WDPCP: variants seen among roughly 807,000 people sequenced by gnomAD.
WDPCP encodes the protein WD repeat containing planar cell polarity effector, also known as WD repeat-containing and planar cell polarity effector protein fritz homolog.
Under a neutral mutation model 93.1 loss-of-function variants are expected in WDPCP, and 71 were observed. The observed-to-expected ratio is 0.76, with a 90% confidence interval of 0.63 to 0.93. The LOEUF (loss-of-function observed/expected upper bound fraction) is 0.93. Among genes scored for constraint, WDPCP ranks in the 40% least tolerant of loss-of-function variants. The pLI is 0.00. For synonymous variants in WDPCP, 315 were observed against 315.0 expected, an observed-to-expected ratio of 1.00 and a Z score of 0.00; for missense variants, 844 against 887.4, an observed-to-expected ratio of 0.95 and a Z score of 0.62.
At chr2:63,555,032 G>A (rs1705980099) in intron 1 of WDPCP, among the ~76,000 whole-genome samples, 2 of 152,220 alleles carry the variant, frequency 1.3e-5, no homozygotes, top group South Asian at 2.1e-4. Context: ...TTAGTCTAAC[G>A]CACAGAGATG....
At chr2:63,324,557 G>T (rs541041335) in intron 12 of WDPCP, among the ~76,000 whole-genome samples, 1 of 152,226 alleles carries the variant, frequency 6.6e-6, no homozygotes, top group Non-Finnish European at 1.5e-5. Flanking sequence ...GTCCTACAGG[G>T]TCTAGGGGAA....
chr2:63,642,168 GT>G (rs1205230896), intron 3 of WDPCP, among the ~76,000 whole-genome samples: 3 of 152,026 alleles, frequency 2.0e-5, no homozygotes, highest in Non-Finnish European at 2.9e-5. Flanking sequence ...GTCCCGTGCT[GT>G]TTTGTTTACT....
chr2:63,238,600 G>T (rs1458042175), intron 14 of WDPCP, among the ~76,000 whole-genome samples: 1 of 151,976 alleles, frequency 6.6e-6, no homozygotes, highest in Non-Finnish European at 1.5e-5. Flanking sequence ...TCTGTCTGTG[G>T]CTTGCATTAT....
intron 6 of WDPCP, among the ~76,000 whole-genome samples, chr2:63,455,411 A>AATATATAT (rs1698547551): frequency 3.4e-5 from 3 of 87,292 alleles, no homozygotes; most frequent in Admixed American, 3.4e-4. Flanking sequence ...TTTACTTGTA[A>AATATATAT]AGATATATAT....
chr2:63,451,756 G>A (rs1046308327), intron 6 of WDPCP, among the ~76,000 whole-genome samples: 2 of 152,122 alleles, frequency 1.3e-5, no homozygotes, highest in African/African-American at 2.4e-5. Context: ...ATGATCAAGT[G>A]GGCTTCATCC....
intron 12 of WDPCP, chr2:63,377,987 G>C (rs1443031899): frequency 1.7e-5 from 3 of 178,568 alleles, no homozygotes; most frequent in Admixed American, 1.1e-4. Flanking sequence ...CAATGGACAA[G>C]TTTTTCTACA....
chr2:63,130,545 T>C (rs1670223871), intron 17 of WDPCP, among the ~76,000 whole-genome samples: 1 of 152,130 alleles, frequency 6.6e-6, no homozygotes, highest in African/African-American at 2.4e-5. Context: ...AAAGTGTGAG[T>C]TCTTCAACTT....
At chr2:63,448,749 A>G (rs1269975229) in intron 6 of WDPCP, among the ~76,000 whole-genome samples, 2 of 152,210 alleles carry the variant, frequency 1.3e-5, no homozygotes, top group Non-Finnish European at 2.9e-5. Flanking sequence ...GCTAAGGGAA[A>G]TAAGCTAGGC....
At chr2:63,560,774 T>C (rs1014856412) in intron 1 of WDPCP, among the ~76,000 whole-genome samples, 1 of 151,752 alleles carries the variant, frequency 6.6e-6, no homozygotes, top group Non-Finnish European at 1.5e-5. Context: ...TAGGTGGGAG[T>C]TGAATAATGA....
chr2:63,412,909 GA>G (rs138033626), intron 9 of WDPCP, among the ~76,000 whole-genome samples: 11,190 of 152,154 alleles, frequency 0.074, 1,257 homozygotes, highest in African/African-American at 0.25. Flanking sequence ...CATGCTCATC[GA>G]TGGGTAGAAT....
chr2:63,344,876 T>C (rs145542506), intron 12 of WDPCP, among the ~76,000 whole-genome samples: 1 of 152,184 alleles, frequency 6.6e-6, no homozygotes, highest in African/African-American at 2.4e-5. Context: ...AATGTCCTTA[T>C]GGCCACTATC....
intron 2 of WDPCP, among the ~76,000 whole-genome samples, chr2:63,794,369 T>C (rs1329832666): frequency 6.6e-6 from 1 of 152,210 alleles, no homozygotes; most frequent in East Asian, 1.9e-4. Flanking sequence ...TAGGAACCCA[T>C]GCTTAAACCA....
chr2:63,479,448 G>C (rs1255236737), intron 6 of WDPCP, among the ~76,000 whole-genome samples: 3 of 152,058 alleles, frequency 2.0e-5, no homozygotes, highest in Non-Finnish European at 2.9e-5. Context: ...CAAAATACTA[G>C]CTAACTGAAT....
chr2:63,718,237 T>C (rs980452302), intron 2 of WDPCP, among the ~76,000 whole-genome samples: 2 of 152,186 alleles, frequency 1.3e-5, no homozygotes, highest in African/African-American at 4.8e-5. Flanking sequence ...AATATCTTTT[T>C]TATATAATGA....
chr2:63,453,951 G>A (rs1447365081), intron 6 of WDPCP, among the ~76,000 whole-genome samples: 1 of 125,086 alleles, frequency 8.0e-6, no homozygotes, highest in East Asian at 2.7e-4. Context: ...GCCTGTTGTG[G>A]GGTGGGGGGA....
chr2:63,822,694 T>A (rs1213038221), intron 1 of WDPCP, among the ~76,000 whole-genome samples: 1 of 151,924 alleles, frequency 6.6e-6, no homozygotes, highest in Admixed American at 6.6e-5. Flanking sequence ...GTGACCCGCC[T>A]GGGCAACATA....
chr2:63,433,272 G>A (rs990776371), intron 9 of WDPCP, among the ~76,000 whole-genome samples: 3 of 152,182 alleles, frequency 2.0e-5, no homozygotes, highest in Non-Finnish European at 4.4e-5. Flanking sequence ...TTAATTGACT[G>A]AAGTCTGAAG....
At chr2:63,262,539 CAAAAA>C (rs5831658) in intron 13 of WDPCP, among the ~76,000 whole-genome samples, 4 of 130,086 alleles carry the variant, frequency 3.1e-5, no homozygotes, top group Non-Finnish European at 6.6e-5. Context: ...CCATATAAGC[CAAAAA>C]AAAAAAAAAA....
intron 1 of WDPCP, among the ~76,000 whole-genome samples, chr2:63,513,414 C>T (rs1198741364): frequency 6.6e-6 from 1 of 151,882 alleles, no homozygotes; most frequent in African/African-American, 2.4e-5. Flanking sequence ...AGGCTCAGAC[C>T]ACTAGACCCC....
Sources: gnomAD v4.1 joint callset for allele counts (sites outside exome capture counted in the v4.1 genomes callset) on GRCh38, gnomAD v4.1.1 for gene constraint, MANE v1.5 for transcripts, NCBI Gene and HGNC (gene_info 2026-07-23, HGNC 2026-07-21) for gene names.